KLF12: variants seen among roughly 807,000 people sequenced by gnomAD.
The protein encoded by KLF12 is KLF transcription factor 12.
KLF12 carries 9 observed loss-of-function variants against 37.8 expected under a neutral mutation model. The ratio of observed to expected loss-of-function variants is 0.24; its 90% CI spans 0.14 to 0.42. The LOEUF (loss-of-function observed/expected upper bound fraction) is 0.42. KLF12 is among the 10% of genes least tolerant of loss of function. The pLI, the probability that KLF12 is intolerant of heterozygous loss-of-function variation, is 1.00. For synonymous variants in KLF12, 208 were observed against 202.1 expected (o/e 1.03, Z -0.25); for missense variants, 411 against 516.0 (o/e 0.80, Z 1.97).
intron 1 of KLF12, among the ~76,000 whole-genome samples, chr13:74,056,137 G>C (rs967137541): frequency 6.6e-6 from 1 of 152,114 alleles, no homozygotes; most frequent in African/African-American, 2.4e-5. Context: ...TAGGATATAG[G>C]AATGGAGGAG....
At chr13:73,836,453 G>C (rs138517580) in intron 4 of KLF12, among the ~76,000 whole-genome samples, 147 of 152,230 alleles carry the variant, frequency 9.7e-4, no homozygotes, top group Middle Eastern at 3.4e-3. Flanking sequence ...TTTCCCTCTT[G>C]AATCTCATAT....
At chr13:73,882,961 A>T (rs917888177) in intron 3 of KLF12, among the ~76,000 whole-genome samples, 8 of 152,178 alleles carry the variant, frequency 5.3e-5, no homozygotes, top group Non-Finnish European at 8.8e-5. Flanking sequence ...TGTTCATTGT[A>T]TTGTTATAGT....
chr13:74,278,318 A>C, the KLF12 span, among the ~76,000 whole-genome samples: 4 of 152,164 alleles, frequency 2.6e-5, no homozygotes, highest in Non-Finnish European at 4.4e-5. Flanking sequence ...ATGTAAGATG[A>C]CCAGAAACAA....
intron 3 of KLF12, among the ~76,000 whole-genome samples, chr13:73,858,781 G>A (rs1014676886): frequency 2.6e-5 from 4 of 152,080 alleles, no homozygotes; most frequent in African/African-American, 4.8e-5. Context: ...AAAAGTAATG[G>A]GGAAAGTTTC....
chr13:73,799,124 T>C (rs1286964949), intron 5 of KLF12, among the ~76,000 whole-genome samples: 3 of 151,944 alleles, frequency 2.0e-5, no homozygotes, highest in South Asian at 4.2e-4. Context: ...ATGGATGGAG[T>C]TGGAGGTCAT....
At chr13:74,186,161 T>C in the KLF12 span, among the ~76,000 whole-genome samples, 2 of 152,108 alleles carry the variant, frequency 1.3e-5, no homozygotes, top group Non-Finnish European at 2.9e-5. Context: ...AACTCAGAAA[T>C]ACAATCCTAA....
intron 5 of KLF12, among the ~76,000 whole-genome samples, chr13:73,808,480 G>A (rs1882762916): frequency 6.6e-6 from 1 of 151,936 alleles, no homozygotes; most frequent in South Asian, 2.1e-4. Flanking sequence ...AACAGAGGTC[G>A]ATTCAGATTG....
At chr13:73,899,257 C>G (rs2139072796) in intron 3 of KLF12, among the ~76,000 whole-genome samples, 1 of 152,268 alleles carries the variant, frequency 6.6e-6, no homozygotes, top group African/African-American at 2.4e-5. Flanking sequence ...CTAAGGCCAC[C>G]AGCAGCAAGA....
the KLF12 span, among the ~76,000 whole-genome samples, chr13:74,160,598 C>A: frequency 6.6e-6 from 1 of 152,112 alleles, no homozygotes; most frequent in Non-Finnish European, 1.5e-5. Context: ...AAATATGGCA[C>A]CCCTGGGGTT....
At chr13:74,101,681 C>T (rs1003287873) in intron 1 of KLF12, among the ~76,000 whole-genome samples, 1 of 152,072 alleles carries the variant, frequency 6.6e-6, no homozygotes, top group South Asian at 2.1e-4. Context: ...CAAGAGCCAC[C>T]GTGGCTTGCA....
At chr13:73,933,511 C>T (rs1366827025) in intron 3 of KLF12, among the ~76,000 whole-genome samples, 1 of 152,058 alleles carries the variant, frequency 6.6e-6, no homozygotes, top group African/African-American at 2.4e-5. Context: ...GAGGACAGGC[C>T]TTGTACACAG....
chr13:74,131,444 T>C (rs1463631437), intron 1 of KLF12, among the ~76,000 whole-genome samples: 2 of 152,164 alleles, frequency 1.3e-5, no homozygotes, highest in African/African-American at 2.4e-5. Flanking sequence ...GCTGCAGCTG[T>C]AGTAAACAAC....
intron 6 of KLF12, among the ~76,000 whole-genome samples, chr13:73,731,466 T>C (rs906364828): frequency 1.4e-5 from 2 of 140,560 alleles, no homozygotes; most frequent in East Asian, 4.2e-4. Flanking sequence ...AACTTAATGG[T>C]AATGGAATTT....
chr13:73,710,088 T>C (rs1486722994), intron 7 of KLF12, among the ~76,000 whole-genome samples: 3 of 152,194 alleles, frequency 2.0e-5, no homozygotes, highest in African/African-American at 7.2e-5. Flanking sequence ...ATAATGATTC[T>C]GTCCTGTATT....
At chr13:74,086,117 A>T (rs1191202674) in intron 1 of KLF12, among the ~76,000 whole-genome samples, 2 of 150,766 alleles carry the variant, frequency 1.3e-5, no homozygotes, top group Admixed American at 6.6e-5. Context: ...ACTAATTTTT[A>T]TTATTATTAT....
At chr13:74,016,895 T>C (rs796535084) in intron 1 of KLF12, among the ~76,000 whole-genome samples, 15 of 152,270 alleles carry the variant, frequency 9.9e-5, no homozygotes, top group African/African-American at 3.6e-4. Flanking sequence ...ATCAGTAAAA[T>C]GGATGAATAA....
At chr13:73,850,377 T>A (rs1016437817) in intron 3 of KLF12, among the ~76,000 whole-genome samples, 1 of 152,216 alleles carries the variant, frequency 6.6e-6, no homozygotes, top group Non-Finnish European at 1.5e-5. Flanking sequence ...TTTTGTTGAA[T>A]GAATGTCAAA....
At chr13:73,751,339 A>G (rs1304078199) in intron 6 of KLF12, among the ~76,000 whole-genome samples, 1 of 152,284 alleles carries the variant, frequency 6.6e-6, no homozygotes, top group East Asian at 1.9e-4. Flanking sequence ...TAGAGGCTGT[A>G]TTAATTTACA....
At chr13:74,237,571 T>C in the KLF12 span, among the ~76,000 whole-genome samples, 1 of 149,532 alleles carries the variant, frequency 6.7e-6, no homozygotes, top group Admixed American at 6.6e-5. Context: ...TTCCTACCCA[T>C]GAGCATGGAA....
Sources: allele counts gnomAD v4.1 joint callset (sites outside exome capture counted in the v4.1 genomes callset), GRCh38; gene constraint gnomAD v4.1.1; transcripts MANE v1.5; gene names NCBI Gene and HGNC (gene_info 2026-07-23, HGNC 2026-07-21).